The following CEP63 variants were observed in gnomAD, a reference collection of about 807,000 sequenced individuals.
The protein encoded by CEP63 is centrosomal protein of 63 kDa.
A neutral mutation model predicts 89.1 loss-of-function variants in CEP63; 84 were observed. That is an observed-to-expected ratio of 0.94 (90% confidence interval 0.79 to 1.13). CEP63 has a LOEUF of 1.13. Ranked by LOEUF, CEP63 falls within the 50% of genes most tolerant of loss-of-function variation. The probability of loss-of-function intolerance (pLI) is 0.00; values close to 1 mark genes in which losing one functional copy is unlikely to be tolerated. For missense variants in CEP63, 838 were observed against 813.3 expected, an observed-to-expected ratio of 1.03 and a Z score of -0.37; for synonymous variants, 267 against 272.5, an observed-to-expected ratio of 0.98 and a Z score of 0.20.
the CEP63 span, among the ~76,000 whole-genome samples, chr3:134,746,152 G>C: frequency 2.0e-5 from 3 of 150,160 alleles, no homozygotes; most frequent in Non-Finnish European, 3.0e-5. Flanking sequence ...TCCTACCTAT[G>C]AGTGAGAACA....
chr3:134,655,761 A>G, the CEP63 span, among the ~76,000 whole-genome samples: 1 of 152,174 alleles, frequency 6.6e-6, no homozygotes, highest in Non-Finnish European at 1.5e-5. Context: ...ATCACGATGA[A>G]CACACCTTGA....
downstream of CEP63, among the ~76,000 whole-genome samples, chr3:134,589,589 C>CA (rs55675043): frequency 4.8e-3 from 707 of 147,222 alleles, 10 homozygotes; most frequent in African/African-American, 0.017. Flanking sequence ...ATTAAAATGT[C>CA]AAAAAAAAAA....
At chr3:134,710,726 C>CTT in the CEP63 span, among the ~76,000 whole-genome samples, 1,377 of 132,134 alleles carry the variant, frequency 0.01, 28 homozygotes, top group African/African-American at 0.035. Flanking sequence ...CTTTTTCTTT[C>CTT]TTTTTTTTTT....
rs539861804 is a variant in CEP63 at position 134,495,277 on chromosome 3, A to T, written c.-25-19A>T. ...GAAGAAATGAATTGTCTCATGACTG[A>T]TATTTTTTTCTTTGTCAGTTGCCAA... is the stretch of plus-strand genomic sequence containing the variant. On this transcript the variant is annotated intron_variant, in intron 1 of 14. Transcript: ENST00000675561. 1 of 1,563,960 alleles carries T rather than the reference A, an allele frequency of 6.4e-7. No homozygotes were observed. The highest frequency in any genetic ancestry group is 1.1e-5 in the South Asian group (1 of 90,004).
At chr3:134,695,653 T>C in the CEP63 span, among the ~76,000 whole-genome samples, 1 of 152,174 alleles carries the variant, frequency 6.6e-6, no homozygotes, top group African/African-American at 2.4e-5. Context: ...CTCTGGACCG[T>C]ACCCAGAGAA....
chr3:134,743,139 C>T, the CEP63 span, among the ~76,000 whole-genome samples: 41 of 152,340 alleles, frequency 2.7e-4, no homozygotes, highest in African/African-American at 9.9e-4. Context: ...TTCATCCACC[C>T]TGGGCAGCAT....
At chr3:134,698,873 G>A in the CEP63 span, among the ~76,000 whole-genome samples, 2 of 152,228 alleles carry the variant, frequency 1.3e-5, no homozygotes, top group African/African-American at 4.8e-5. Context: ...GGCACTGTAT[G>A]AGGTTCTGAG....
the CEP63 span, among the ~76,000 whole-genome samples, chr3:134,688,922 C>T: frequency 1.3e-5 from 2 of 152,220 alleles, no homozygotes. Flanking sequence ...CAAGGGTTAG[C>T]TCCTGGGGCT....
chr3:134,504,788 T>G (rs547539441), intron 2 of CEP63, among the ~76,000 whole-genome samples: 146 of 152,248 alleles, frequency 9.6e-4, no homozygotes, highest in Middle Eastern at 3.4e-3. Flanking sequence ...AGGCTTTCTT[T>G]TTTCTTTTTT....
At chr3:134,610,237 C>T in the CEP63 span, 3 of 1,613,878 alleles carry the variant, frequency 1.9e-6, no homozygotes, top group Non-Finnish European at 2.5e-6. Context: ...CAGGCCGCTG[C>T]CCCAGGTGCT....
At chr3:134,672,470 A>G in the CEP63 span, among the ~76,000 whole-genome samples, 4 of 152,232 alleles carry the variant, frequency 2.6e-5, no homozygotes, top group Non-Finnish European at 4.4e-5. Context: ...TATGGTTGCT[A>G]AATTCAAAAT....
chr3:134,624,750 C>T, the CEP63 span, among the ~76,000 whole-genome samples: 24 of 152,218 alleles, frequency 1.6e-4, no homozygotes, highest in African/African-American at 5.8e-4. Flanking sequence ...CCAAAAGGGG[C>T]ATGGAGAAGG....
At chr3:134,705,235 C>T in the CEP63 span, among the ~76,000 whole-genome samples, 1 of 152,190 alleles carries the variant, frequency 6.6e-6, no homozygotes, top group East Asian at 1.9e-4. Flanking sequence ...ATGGCACTGG[C>T]ATCTGCTCAG....
chr3:134,670,421 C>G, the CEP63 span, among the ~76,000 whole-genome samples: 3 of 152,158 alleles, frequency 2.0e-5, no homozygotes, highest in East Asian at 3.8e-4. Context: ...ATAGTCAGAG[C>G]CTCCAGTGTG....
the CEP63 span, among the ~76,000 whole-genome samples, chr3:134,744,722 T>A: frequency 6.6e-6 from 1 of 152,158 alleles, no homozygotes; most frequent in Non-Finnish European, 1.5e-5. Flanking sequence ...CTCAACTTCT[T>A]GCCCAGGCTG....
the CEP63 span, among the ~76,000 whole-genome samples, chr3:134,595,948 A>T: frequency 6.6e-6 from 1 of 151,980 alleles, no homozygotes; most frequent in South Asian, 2.1e-4. Flanking sequence ...GAAGATGTTA[A>T]TGCCTTTAGA....
At chr3:134,650,945 C>G in the CEP63 span, 1 of 1,613,324 alleles carries the variant, frequency 6.2e-7, no homozygotes. Flanking sequence ...GCGTTGATGT[C>G]CTTCTTCAGC....
At chr3:134,772,178 C>T in the CEP63 span, among the ~76,000 whole-genome samples, 2 of 152,156 alleles carry the variant, frequency 1.3e-5, no homozygotes, top group Non-Finnish European at 2.9e-5. Flanking sequence ...TGCCCCATTG[C>T]CCTCTCCCTT....
At chr3:134,704,402 G>C in the CEP63 span, among the ~76,000 whole-genome samples, 2 of 152,076 alleles carry the variant, frequency 1.3e-5, no homozygotes. Context: ...CATTTAGTAG[G>C]GGAGGGAAAG....
Sources: allele counts gnomAD v4.1 joint callset (sites outside exome capture counted in the v4.1 genomes callset), GRCh38; gene constraint gnomAD v4.1.1; transcripts MANE v1.5; gene names NCBI Gene and HGNC (gene_info 2026-07-23, HGNC 2026-07-21).